Variants in GPC6 observed in about 807,000 individuals in gnomAD.
The protein encoded by GPC6 is glypican 6.
Under a neutral mutation model 55.2 loss-of-function variants are expected in GPC6, and 14 were observed. The observed-to-expected ratio is 0.25, with a 90% confidence interval of 0.17 to 0.40. The LOEUF is 0.40. GPC6 is among the 10% of genes least tolerant of loss of function. The pLI, the probability that GPC6 is intolerant of heterozygous loss-of-function variation, is 1.00. For missense variants in GPC6, 641 were observed against 708.5 expected (o/e 0.90, Z 1.08); for synonymous variants, 278 against 259.6 (o/e 1.07, Z -0.68).
intron 1 of GPC6, among the ~76,000 whole-genome samples, chr13:93,462,381 G>T (rs1429359261): frequency 6.6e-6 from 1 of 152,062 alleles, no homozygotes; most frequent in Non-Finnish European, 1.5e-5. Flanking sequence ...CTACCGACAT[G>T]ACACTTTTAA....
intron 1 of GPC6, among the ~76,000 whole-genome samples, chr13:93,358,586 C>T (rs938786126): frequency 1.3e-5 from 2 of 152,110 alleles, no homozygotes; most frequent in Admixed American, 6.6e-5. Flanking sequence ...TTGAAAAACC[C>T]ATCTTGAAGC....
intron 6 of GPC6, among the ~76,000 whole-genome samples, chr13:94,322,939 C>T (rs375084984): frequency 3.6e-4 from 55 of 152,190 alleles, no homozygotes; most frequent in African/African-American, 1.2e-3. Flanking sequence ...GCTAGATAGA[C>T]TGGTCTGGCA....
At chr13:94,105,866 A>C (rs1179042302) in intron 4 of GPC6, among the ~76,000 whole-genome samples, 1 of 152,134 alleles carries the variant, frequency 6.6e-6, no homozygotes, top group Non-Finnish European at 1.5e-5. Context: ...GTTAATGCCC[A>C]CTGTAGGTAG....
intron 2 of GPC6, among the ~76,000 whole-genome samples, chr13:93,636,397 A>G (rs190573621): frequency 6.6e-6 from 1 of 152,334 alleles, no homozygotes; most frequent in East Asian, 1.9e-4. Flanking sequence ...AATTTGCAAG[A>G]AAACTAGTAT....
At chr13:93,828,482 A>G (rs1887351740) in intron 2 of GPC6, among the ~76,000 whole-genome samples, 1 of 152,154 alleles carries the variant, frequency 6.6e-6, no homozygotes, top group Non-Finnish European at 1.5e-5. Context: ...AGCATACAGC[A>G]TATATAAATA....
rs927288809 is a variant in GPC6, at chr13:93,425,235, C to T, written c.161-120028C>T. 9.2e-5 allele frequency among the ~76,000 whole-genome samples: 14 copies of T among 152,072 alleles called. No individual in the cohort carries two copies. The South Asian group carries it at 1.9e-3, about 20-fold the overall frequency. On this transcript the variant is annotated intron_variant, in intron 1 of 8. Coordinates refer to ENST00000377047, the MANE Select transcript of GPC6 (RefSeq NM_005708.5). Reference sequence around the variant, plus strand: ...TTTTGCCTCAGCTTTTACTGTGGCTCGGCTGGGTACTGGCCACTTTAGCAA... The same window carrying T: ...TTTTGCCTCAGCTTTTACTGTGGCTTGGCTGGGTACTGGCCACTTTAGCAA...
At chr13:93,499,976 A>G (rs1335374378) in intron 1 of GPC6, among the ~76,000 whole-genome samples, 1 of 152,146 alleles carries the variant, frequency 6.6e-6, no homozygotes, top group Non-Finnish European at 1.5e-5. Context: ...GTGAATGACA[A>G]TCTTACACAC....
rs1471417730 is a variant in GPC6, at chr13:94,329,730, CA to C, written c.1152+23609del. On this transcript the variant is annotated intron_variant, in intron 6 of 8. Coordinates refer to ENST00000377047, the MANE Select transcript of GPC6 (RefSeq NM_005708.5). ...AATCTTGGGTTGTCTGATAATTTCC[CA>C]ATATTGCTTTACTTCTCCTCCTCCT... Among the ~76,000 whole-genome samples, 6 of 152,132 alleles carry C rather than the reference CA, an allele frequency of 3.9e-5. No homozygotes were observed. The South Asian group carries it at 1.0e-3, about 26-fold the overall frequency.
chr13:93,448,797 A>G (rs572692219), intron 1 of GPC6, among the ~76,000 whole-genome samples: 4 of 152,342 alleles, frequency 2.6e-5, no homozygotes, highest in South Asian at 4.1e-4. Context: ...ATAAGATTCA[A>G]TAAGGAATCC....
At chr13:93,728,647 G>T (rs2138833292) in intron 2 of GPC6, among the ~76,000 whole-genome samples, 1 of 151,966 alleles carries the variant, frequency 6.6e-6, no homozygotes, top group East Asian at 1.9e-4. Flanking sequence ...GCTCACTGCA[G>T]CCTCTACCTC....
chr13:93,349,551 G>T (rs545717274), intron 1 of GPC6, among the ~76,000 whole-genome samples: 2 of 152,092 alleles, frequency 1.3e-5, no homozygotes, highest in African/African-American at 2.4e-5. Flanking sequence ...TGATACATCC[G>T]ATCTGGAGAT....
chr13:93,479,615 C>CT (rs143635721), intron 1 of GPC6, among the ~76,000 whole-genome samples: 116 of 151,710 alleles, frequency 7.6e-4, no homozygotes, highest in South Asian at 4.2e-3. Flanking sequence ...GAGACCCCCC[C>CT]CCATCTCTAC....
intron 3 of GPC6, among the ~76,000 whole-genome samples, chr13:93,993,138 G>A (rs1435913092): frequency 6.6e-6 from 1 of 152,012 alleles, no homozygotes; most frequent in African/African-American, 2.4e-5. Context: ...AACTAATAAT[G>A]AAATTTCTCA....
At chr13:93,264,407 A>T (rs1877254346) in intron 1 of GPC6, among the ~76,000 whole-genome samples, 1 of 152,000 alleles carries the variant, frequency 6.6e-6, no homozygotes, top group Admixed American at 6.6e-5. Flanking sequence ...TACTTTATTT[A>T]TGAATTTATT....
chr13:94,034,247 A>AGGAAGGAAGGAAGGAAGGAAGGAAGGAG lies in GPC6; in HGVS notation c.877+6357_877+6358insGGAAGGAAGGAAGGAAGGAAGGAGGGAA, dbSNP rs141372123. 4.0e-4 allele frequency among the ~76,000 whole-genome samples: 59 copies of AGGAAGGAAGGAAGGAAGGAAGGAAGGAG among 147,042 alleles called. 4 individuals carry two copies. The highest frequency in any genetic ancestry group is 5.3e-4 in the Non-Finnish European group (35 of 66,374). On this transcript the variant is annotated intron_variant, in intron 4 of 8. Coordinates refer to ENST00000377047, the MANE Select transcript of GPC6 (RefSeq NM_005708.5). ...AAGGAAGGAAGGAAGGAAGGAAGGA[A>AGGAAGGAAGGAAGGAAGGAAGGAAGGAG]GGAAAGAAAGAAAGAAAAGAGTTGG...
intron 2 of GPC6, among the ~76,000 whole-genome samples, chr13:93,815,573 A>C (rs2138957127): frequency 6.6e-6 from 1 of 152,318 alleles, no homozygotes; most frequent in African/African-American, 2.4e-5. Context: ...TGACAATGTT[A>C]TGAAAGTAAA....
chr13:94,155,158 C>G (rs1887888072), intron 4 of GPC6, among the ~76,000 whole-genome samples: 1 of 152,162 alleles, frequency 6.6e-6, no homozygotes, highest in Admixed American at 6.5e-5. Flanking sequence ...CACCTACCTA[C>G]AAGGCATTTT....
At chr13:93,221,497 C>T in the GPC6 span, among the ~76,000 whole-genome samples, 1 of 152,068 alleles carries the variant, frequency 6.6e-6, no homozygotes, top group Non-Finnish European at 1.5e-5. Context: ...GGTTTTCCCC[C>T]CAAGAGATCA....
At chr13:94,266,640 G>A (rs1017057911) in intron 4 of GPC6, among the ~76,000 whole-genome samples, 3 of 148,476 alleles carry the variant, frequency 2.0e-5, no homozygotes, top group Non-Finnish European at 3.0e-5. Context: ...TTCCCTGCCC[G>A]GACTGACTTA....
Sources: allele counts gnomAD v4.1 joint callset (sites outside exome capture counted in the v4.1 genomes callset), GRCh38; gene constraint gnomAD v4.1.1; transcripts MANE v1.5; gene names NCBI Gene and HGNC (gene_info 2026-07-23, HGNC 2026-07-21).